Variants in MEGF6 observed in about 807,000 individuals in gnomAD.
The protein encoded by MEGF6 is multiple EGF like domains 6.
In MEGF6, 184 loss-of-function variants were observed where a neutral mutation model predicts 207.1. That is an observed-to-expected ratio of 0.89 (90% CI 0.79 to 1.00). The LOEUF (loss-of-function observed/expected upper bound fraction) is 1.00. MEGF6 is among the 50% of genes least tolerant of loss of function. The probability of loss-of-function intolerance (pLI) is 0.00; values close to 1 mark genes in which losing one functional copy is unlikely to be tolerated. For missense variants in MEGF6, 2,282 were observed against 2,202.9 expected (o/e 1.04, Z -0.72); for synonymous variants, 1,038 against 910.0 (o/e 1.14, Z -2.53).
intron 4 of MEGF6, among the ~76,000 whole-genome samples, chr1:3,548,898 C>T (rs1205657481): frequency 6.6e-6 from 1 of 151,950 alleles, no homozygotes; most frequent in Non-Finnish European, 1.5e-5. Context: ...CAGGAAAAGC[C>T]CCTTAGCCTG....
the MEGF6 span, among the ~76,000 whole-genome samples, chr1:3,623,934 G>T: frequency 6.6e-6 from 1 of 152,152 alleles, no homozygotes; most frequent in Admixed American, 6.5e-5. Flanking sequence ...AACTTCCCTG[G>T]GGTCTCCCAG....
At chr1:3,495,106 G>C (rs1434697315) in intron 30 of MEGF6, among the ~76,000 whole-genome samples, 1 of 152,220 alleles carries the variant, frequency 6.6e-6, no homozygotes, top group Non-Finnish European at 1.5e-5. Context: ...CTTCAGGCCT[G>C]AGAAGTAGCG....
Position 3,532,804 on chromosome 1 carries a change from GGAA to G in MEGF6, c.482-8561_482-8559del, listed in dbSNP as rs1278175271. ...AGCATAGCCACGGGTAGAGCTGTGG[GGAA>G]GAAGGACTGCCAACCTCAGCTGCGG... is the stretch of plus-strand genomic sequence containing the variant. On this transcript the variant is annotated intron_variant, in intron 4 of 36. Transcript: ENST00000356575. Among the ~76,000 whole-genome samples the G allele has an allele frequency of 5.9e-5, 9 of 152,342 alleles. No individual in the cohort carries two copies. In the South Asian group the frequency reaches 1.4e-3, roughly 25 times the overall value.
At chr1:3,595,280 T>C in intron 3 of MEGF6, 58 bp downstream of exon 3, 3 of 1,241,704 alleles carry the variant, frequency 2.4e-6, no homozygotes, top group Non-Finnish European at 3.5e-6. Context: ...TTCATGGCTC[T>C]GCTGAGTCCT....
rs1324535645 is a variant in MEGF6, at chr1:3,500,724, G to A, written c.2616C>T (p.Pro872=). ...TGHWGPDCSH[P]CNCSAGHGSC... ...TCCCGTGGCCAGCGCTGCAGTTGCA[G>A]GGGTGGCTGCAGTCAGGTCCCCAGT... is the stretch of plus-strand genomic sequence containing the variant. Residue 872 remains proline, a synonymous_variant, in exon 21 of 37, where the codon CCC becomes CCT. Coordinates refer to ENST00000356575, the MANE Select transcript of MEGF6 (RefSeq NM_001409.4). 1.3e-6 allele frequency: 2 copies of A among 1,598,658 alleles called. No homozygotes were observed. The highest frequency in any genetic ancestry group is 1.3e-5 in the African/African-American group (1 of 74,738).
chr1:3,608,040 G>C (rs1315095876), intron 1 of MEGF6, among the ~76,000 whole-genome samples: 2 of 152,190 alleles, frequency 1.3e-5, no homozygotes, highest in African/African-American at 2.4e-5. Context: ...AGGGGAGTTG[G>C]GGGGGCTCGC....
At chr1:3,613,134 C>T (rs1030534319), upstream of MEGF6, among the ~76,000 whole-genome samples, 2 of 152,192 alleles carry the variant, frequency 1.3e-5, no homozygotes, top group African/African-American at 4.8e-5. Flanking sequence ...CCAGTTGGTG[C>T]CCCCGTTGCT....
intron 5 of MEGF6, among the ~76,000 whole-genome samples, chr1:3,523,082 G>GC (rs894224705): frequency 9.2e-5 from 14 of 152,072 alleles, no homozygotes; most frequent in Middle Eastern, 3.2e-3. Context: ...GCCGGGGGGG[G>GC]GGCCCCAGGG....
the MEGF6 span, among the ~76,000 whole-genome samples, chr1:3,621,901 C>CTTTTAGAA: frequency 6.6e-6 from 1 of 152,202 alleles, no homozygotes; most frequent in Non-Finnish European, 1.5e-5. Context: ...CTTTTAGCCC[C>CTTTTAGAA]TTTGTTTTGG....
In MEGF6 at chr1:3,510,812, C is replaced by A. The variant is rs201247174; in HGVS notation, c.1205G>T (p.Arg402Leu). The change falls in exon 10 of 37, where the codon CGG (arginine) becomes CTG (leucine). Residue 402 changes from arginine (R) to leucine (L), a missense_variant. By Grantham distance (102) the Arg-to-Leu change is moderately radical. Coordinates refer to ENST00000356575, the MANE Select transcript of MEGF6 (RefSeq NM_001409.4). ...GYECGCYAGYRLSADGCGCED... is the reference protein window; with the variant it reads ...GYECGCYAGYLLSADGCGCED... ...ACAGCCGCAGCCATCGGCACTGAGC[C>A]GGTAGCCGGCGTAGCAGCCGCACTC... 4 of 1,609,910 alleles carry A rather than the reference C, an allele frequency of 2.5e-6. No individual in the cohort carries two copies. The highest frequency in any genetic ancestry group is 3.4e-6 in the Non-Finnish European group (4 of 1,177,858).
At chr1:3,536,101 G>A (rs985640204) in intron 4 of MEGF6, among the ~76,000 whole-genome samples, 1 of 152,126 alleles carries the variant, frequency 6.6e-6, no homozygotes, top group African/African-American at 2.4e-5. Flanking sequence ...AGCCTTCCCT[G>A]GCAGTCTAGA....
intron 4 of MEGF6, among the ~76,000 whole-genome samples, chr1:3,568,390 A>G (rs191088429): frequency 1.3e-5 from 2 of 150,920 alleles, no homozygotes; most frequent in East Asian, 2.0e-4. Flanking sequence ...TGGGGGCTTC[A>G]GTAGTGGTCC....
In MEGF6 at chr1:3,501,745, T is replaced by C. The variant is rs751962827; in HGVS notation, c.2314+51A>G. ...CCCACAGTTCAGGGCCCCACCAGCT[T>C]GGAGCCGTGCAGCCTGGGGAGGCGG... On this transcript the variant is annotated intron_variant, in intron 18 of 36. Coordinates refer to ENST00000356575, the MANE Select transcript of MEGF6 (RefSeq NM_001409.4). 7 of 1,591,504 alleles carry C rather than the reference T, an allele frequency of 4.4e-6. No individual in the cohort carries two copies. In the East Asian group the frequency reaches 1.4e-4, roughly 31 times the overall value.
chr1:3,491,011 C>A, intron 35 of MEGF6, 52 bp from the exon 36 acceptor site: 1 of 1,521,608 alleles, frequency 6.6e-7, no homozygotes, highest in East Asian at 2.3e-5. Context: ...TTGAGTGAGC[C>A]ACAGTAATGG....
rs1244241297 is a variant in MEGF6, at chr1:3,531,243, C to T, written c.482-6997G>A. The T allele has an allele frequency of 5.6e-6, 8 of 1,416,614 alleles. No individual in the cohort carries two copies. In the East Asian group the frequency reaches 1.8e-4, roughly 33 times the overall value. The allele number at this position is 1,416,614 out of a possible 1,614,324, so 87.8% of individuals were successfully genotyped here. ...CCAGCCCGCGGTCCCGGGACGCCCC[C>T]ATGGCCTGGTAGGCCGGCGGGCGGG... On this transcript the variant is annotated intron_variant, in intron 4 of 36. Transcript: ENST00000356575.
chr1:3,524,258 T>G lies in MEGF6; in HGVS notation c.482-12A>C. On this transcript the variant is annotated splice_polypyrimidine_tract_variant and intron_variant, in intron 4 of 36. Coordinates refer to ENST00000356575, the MANE Select transcript of MEGF6 (RefSeq NM_001409.4). ...GCATTCGTCCACATCTGAGCAGGAA[T>G]GGGGAAGGATCAGCAGCTGGGCACC... The G allele has an allele frequency of 1.4e-5, 22 of 1,604,570 alleles. No homozygotes were observed. The highest frequency in any genetic ancestry group is 1.9e-5 in the Non-Finnish European group (22 of 1,173,034).
At chr1:3,496,868 C>G in intron 28 of MEGF6, 85 bp from the exon 29 acceptor site, 4 of 1,518,978 alleles carry the variant, frequency 2.6e-6, no homozygotes, top group Non-Finnish European at 3.5e-6. Flanking sequence ...TCTCATGAGA[C>G]CCCCACACCC....
rs530160303 is a variant in MEGF6 at position 3,497,311 on chromosome 1, G to T, written c.3403C>A (p.Pro1135Thr). 203 of 1,552,072 alleles carry T rather than the reference G, an allele frequency of 1.3e-4. 2 individuals carry two copies. In the South Asian group the frequency reaches 2.3e-3, roughly 17 times the overall value. Residue 1135 changes from proline (P) to threonine (T), a missense_variant, in exon 27 of 37, where the codon CCG becomes ACG. By Grantham distance (38) the Pro-to-Thr change is conservative. Transcript: ENST00000356575. The part of the protein sequence containing the change: ...GEACAQRCSC[P>T]PGAACHHVTG... ...ACGTGGTGGCAGGCAGCGCCAGGCG[G>T]GCAGCTGCAGCGCTGGGCACAGGCC...
intron 17 of MEGF6, among the ~76,000 whole-genome samples, chr1:3,503,865 C>A (rs557664294): frequency 1.3e-5 from 2 of 152,078 alleles, no homozygotes; most frequent in African/African-American, 2.4e-5. Flanking sequence ...GGGAAGTGGG[C>A]GCTCAGAGCT....
Sources: gnomAD v4.1 joint callset for allele counts (sites outside exome capture counted in the v4.1 genomes callset) on GRCh38, gnomAD v4.1.1 for gene constraint, MANE v1.5 for transcripts, NCBI Gene and HGNC (gene_info 2026-07-23, HGNC 2026-07-21) for gene names.